The following LCA5 variants were observed in gnomAD, a reference collection of about 807,000 sequenced individuals.
LCA5 encodes the protein lebercilin LCA5.
Under a neutral mutation model 53.0 loss-of-function variants are expected in LCA5, and 37 were observed. The observed-to-expected ratio is 0.70, with a 90% CI of 0.54 to 0.92. The LOEUF (loss-of-function observed/expected upper bound fraction) is 0.92, where lower values mean the gene tolerates loss of function less well. Ranked by LOEUF, LCA5 falls within the 40% of genes least tolerant of loss-of-function variation. The pLI is 0.00. For missense variants in LCA5, 806 were observed against 790.5 expected (o/e 1.02, Z -0.23); for synonymous variants, 303 against 282.9 (o/e 1.07, Z -0.71).
chr6:79,525,568 G>A (rs1766759957), intron 1 of LCA5, among the ~76,000 whole-genome samples: 1 of 152,168 alleles, frequency 6.6e-6, no homozygotes, highest in Non-Finnish European at 1.5e-5. Flanking sequence ...CCCAAATGCA[G>A]GACCTCAGGA....
chr6:79,499,302 TA>T (rs71656292), intron 3 of LCA5, among the ~76,000 whole-genome samples: 14,245 of 151,956 alleles, frequency 0.094, 1,487 homozygotes, highest in East Asian at 0.54. Flanking sequence ...ACTACTTATT[TA>T]AAAAAAGCTT....
chr6:79,498,393 A>G (rs4706791), intron 3 of LCA5, among the ~76,000 whole-genome samples: 25,877 of 152,014 alleles, frequency 0.17, 2,244 homozygotes, highest in East Asian at 0.22. Flanking sequence ...ATCCCCCCCT[A>G]GATATTTTGG....
chr6:79,529,622 A>G (rs907146014), intron 1 of LCA5, among the ~76,000 whole-genome samples: 3 of 152,168 alleles, frequency 2.0e-5, no homozygotes, highest in Admixed American at 2.0e-4. Flanking sequence ...CCCGCAGAAT[A>G]TAAATCATGC....
At chr6:79,512,272 A>G (rs1770428226) in intron 3 of LCA5, among the ~76,000 whole-genome samples, 1 of 152,130 alleles carries the variant, frequency 6.6e-6, no homozygotes, top group African/African-American at 2.4e-5. Context: ...TCTACATAAT[A>G]GGATATCTTC....
At chr6:79,514,913 T>C (rs958683211) in intron 2 of LCA5, among the ~76,000 whole-genome samples, 1 of 151,978 alleles carries the variant, frequency 6.6e-6, no homozygotes, top group African/African-American at 2.4e-5. Context: ...TAATGGATAC[T>C]AGGCCTAATG....
chr6:79,523,322 G>GA (rs529461874), intron 1 of LCA5, among the ~76,000 whole-genome samples: 2 of 151,814 alleles, frequency 1.3e-5, no homozygotes, highest in Non-Finnish European at 2.9e-5. Context: ...ATTTACACAT[G>GA]AAAAAAATTG....
At chr6:79,510,663 G>A (rs1770387472) in intron 3 of LCA5, among the ~76,000 whole-genome samples, 1 of 151,970 alleles carries the variant, frequency 6.6e-6, no homozygotes, top group Non-Finnish European at 1.5e-5. Context: ...CTACAGAATG[G>A]GAGAAAACTT....
chr6:79,500,929 G>T (rs948837550), intron 3 of LCA5, among the ~76,000 whole-genome samples: 18 of 152,044 alleles, frequency 1.2e-4, no homozygotes, highest in African/African-American at 4.1e-4. Context: ...ATGTCAGTTT[G>T]TTACCTAAAA....
At position 79,518,979 on chromosome 6, in the gene LCA5, A is replaced by G. The variant is rs1766539876; in HGVS notation, c.-85T>C. Reference sequence around the variant, plus strand: ...TATGACAATACTGAAAAACATTTTCACAGTCTTCAGATCCTGATAATATTC... The same window carrying G: ...TATGACAATACTGAAAAACATTTTCGCAGTCTTCAGATCCTGATAATATTC... On this transcript the variant is annotated 5_prime_UTR_variant, in exon 2 of 8. Transcript: ENST00000369846. 1 of 1,231,938 alleles carries G rather than the reference A, an allele frequency of 8.1e-7. No individual in the cohort carries two copies. The highest frequency in any genetic ancestry group is 1.5e-5 in the African/African-American group (1 of 67,626). The allele number at this position is 1,231,938 out of a possible 1,614,324, so 76.3% of individuals were successfully genotyped here.
At chr6:79,538,663 T>C (rs1767228324), upstream of LCA5, among the ~76,000 whole-genome samples, 2 of 152,204 alleles carry the variant, frequency 1.3e-5, no homozygotes, top group South Asian at 2.1e-4. Flanking sequence ...GGATTACTTA[T>C]AAAGGAAGTT....
intron 6 of LCA5, 134 bp from the exon 7 acceptor site, chr6:79,489,350 T>A: frequency 1.1e-6 from 1 of 893,922 alleles, no homozygotes; most frequent in Non-Finnish European, 1.7e-6. Context: ...AATGAATCAG[T>A]AAATCACAAG....
rs1769711296 is a variant in LCA5 at position 79,487,751 on chromosome 6, C to T, written c.1347G>A (p.Gln449=). The T allele has an allele frequency of 1.6e-5, 26 of 1,613,790 alleles. No individual in the cohort carries two copies. Among genetic ancestry groups the T allele is most frequent in the Non-Finnish European group, 2.1e-5 (25 of 1,179,738 alleles). ...CCTCTCCTTGCAATTTATCCATATTCTGAATTGGATACATTCCTAGTTGGT... is the reference window on the plus strand; with the variant it reads ...CCTCTCCTTGCAATTTATCCATATTTTGAATTGGATACATTCCTAGTTGGT... ...GRYQLGMYPI[Q]NMDKLQGEEE... The change falls in exon 8 of 8, where the codon CAG becomes CAA. Residue 449 remains glutamine (Q), a synonymous_variant. Coordinates refer to ENST00000369846, the MANE Select transcript of LCA5 (RefSeq NM_001122769.3).
chr6:79,494,322 G>A (rs945894738), intron 3 of LCA5, among the ~76,000 whole-genome samples: 1 of 152,218 alleles, frequency 6.6e-6, no homozygotes, highest in East Asian at 1.9e-4. Context: ...CAAAGCTGCG[G>A]AGAGTACCTA....
chr6:79,496,450 T>G (rs1213031378), intron 3 of LCA5, among the ~76,000 whole-genome samples: 1 of 152,254 alleles, frequency 6.6e-6, no homozygotes, highest in South Asian at 2.1e-4. Flanking sequence ...GATTAATGGA[T>G]AAACAAAATG....
intron 3 of LCA5, among the ~76,000 whole-genome samples, chr6:79,500,469 G>T (rs914978802): frequency 1.3e-5 from 2 of 152,148 alleles, no homozygotes; most frequent in African/African-American, 4.8e-5. Context: ...GTTAAAATAA[G>T]TCTATCAATG....
intron 2 of LCA5, among the ~76,000 whole-genome samples, chr6:79,518,422 C>T (rs764603621): frequency 3.3e-5 from 5 of 152,004 alleles, no homozygotes; most frequent in Non-Finnish European, 7.4e-5. Context: ...ACCTCAGAAA[C>T]CCCAAGACAA....
At chr6:79,516,244 T>C (rs567757283) in intron 2 of LCA5, among the ~76,000 whole-genome samples, 2 of 152,074 alleles carry the variant, frequency 1.3e-5, no homozygotes, top group South Asian at 4.1e-4. Context: ...AGTTGAAATG[T>C]CCATCATTTC....
In LCA5 at chr6:79,491,861, T is replaced by G. The variant is rs146580322; in HGVS notation, c.956-131A>C. 238 of 720,588 alleles carry G rather than the reference T, an allele frequency of 3.3e-4. 1 individual carries two copies. The East Asian group carries it at 6.2e-3, about 19-fold the overall frequency. The allele number at this position is 720,588 out of a possible 1,614,324, so 44.6% of individuals were successfully genotyped here. A position where few individuals can be genotyped will look rare whatever the true frequency, so the allele number is the denominator to read the frequency against. On this transcript the variant is annotated intron_variant, in intron 5 of 7. Coordinates refer to ENST00000369846, the MANE Select transcript of LCA5 (RefSeq NM_001122769.3). The stretch of plus-strand genomic sequence containing the variant: ...ATGTACATTTATATGCACCACTTCA[T>G]TTAAATGGAGAATATATATATTCAC...
chr6:79,499,510 T>C (rs1397767950), intron 3 of LCA5, among the ~76,000 whole-genome samples: 1 of 151,900 alleles, frequency 6.6e-6, no homozygotes. Context: ...AAATATCAAG[T>C]AGGTACATGA....
Sources: allele counts gnomAD v4.1 joint callset (sites outside exome capture counted in the v4.1 genomes callset), GRCh38; gene constraint gnomAD v4.1.1; transcripts MANE v1.5; gene names NCBI Gene and HGNC (gene_info 2026-07-23, HGNC 2026-07-21).